Variants in CAPS2 observed in about 807,000 individuals in gnomAD.
The protein encoded by CAPS2 is calcyphosine 2.
A neutral mutation model predicts 86.5 loss-of-function variants in CAPS2; 98 were observed. That is an observed-to-expected ratio of 1.13 (90% CI 0.96 to 1.34). The LOEUF (loss-of-function observed/expected upper bound fraction) is 1.34. CAPS2 is among the 40% of genes most tolerant of loss of function. The pLI, the probability that CAPS2 is intolerant of heterozygous loss-of-function variation, is 0.00. For synonymous variants in CAPS2, 210 were observed against 225.1 expected, an observed-to-expected ratio of 0.93 and a Z score of 0.60; for missense variants, 729 against 686.8, an observed-to-expected ratio of 1.06 and a Z score of -0.69.
At chr12:75,346,445 C>G (rs542041982) in intron 1 of CAPS2, among the ~76,000 whole-genome samples, 1 of 151,658 alleles carries the variant, frequency 6.6e-6, no homozygotes, top group African/African-American at 2.4e-5. Context: ...GACTGGAGTA[C>G]AGTGGCGTGA....
intron 1 of CAPS2, among the ~76,000 whole-genome samples, chr12:75,361,254 C>A (rs1219392511): frequency 2.0e-5 from 3 of 151,998 alleles, no homozygotes; most frequent in African/African-American, 7.3e-5. Context: ...AAGCTGGCCA[C>A]AACAGTGTAG....
At chr12:75,327,691 A>G (rs1215602977), upstream of CAPS2, among the ~76,000 whole-genome samples, 1 of 151,650 alleles carries the variant, frequency 6.6e-6, no homozygotes, top group Non-Finnish European at 1.5e-5. Flanking sequence ...CTTAATCTCT[A>G]TGAACCAATG....
In CAPS2 at chr12:75,312,873, G is replaced by A; in HGVS notation, c.634C>T (p.Gln212Ter). The A allele has an allele frequency of 6.2e-7, 1 of 1,604,488 alleles. No homozygotes were observed. The highest frequency in any genetic ancestry group is 8.5e-7 in the Non-Finnish European group (1 of 1,172,170). Residue 212 changes from glutamine to a stop codon, truncating the protein, a stop_gained, in exon 7 of 17, where the codon CAA becomes TAA. Transcript: ENST00000393284. LOFTEE classifies it high-confidence loss of function. Reference sequence around the variant, plus strand: ...CTAGATAAGTGGTCTATCATCACTTGCTCTGCAACAATCTGTTTCTTCTTC... The same window carrying A: ...CTAGATAAGTGGTCTATCATCACTTACTCTGCAACAATCTGTTTCTTCTTC...
At chr12:75,280,240 C>T (rs1793443197) in intron 16 of CAPS2, among the ~76,000 whole-genome samples, 1 of 151,758 alleles carries the variant, frequency 6.6e-6, no homozygotes, top group South Asian at 2.1e-4. Context: ...AAGAGCTTTA[C>T]CTTAAAATCA....
chr12:75,304,695 C>CATTTTAAAAGT, intron 8 of CAPS2, 62 bp downstream of exon 8: 5 of 1,242,682 alleles, frequency 4.0e-6, no homozygotes, highest in Non-Finnish European at 5.5e-6. Context: ...CACAGAAGTA[C>CATTTTAAAAGT]ATTTTAAAAA....
chr12:75,323,633 C>T (rs1351522613), intron 2 of CAPS2, among the ~76,000 whole-genome samples: 1 of 152,136 alleles, frequency 6.6e-6, no homozygotes, highest in Non-Finnish European at 1.5e-5. Flanking sequence ...ATCCCAGCTA[C>T]TGGGGAGGCT....
chr12:75,355,094 C>T (rs2043064281), intron 1 of CAPS2, among the ~76,000 whole-genome samples: 1 of 152,170 alleles, frequency 6.6e-6, no homozygotes, highest in African/African-American at 2.4e-5. Context: ...ACAAAAACAT[C>T]AAAAGCAATT....
chr12:75,380,493 C>G (rs1400212491), intron 1 of CAPS2, among the ~76,000 whole-genome samples: 2 of 152,088 alleles, frequency 1.3e-5, no homozygotes, highest in East Asian at 3.9e-4. Flanking sequence ...GCTAGGGAAA[C>G]TACATTGATT....
Position 75,289,272 on chromosome 12 carries a change from A to T in CAPS2, c.1395+349T>A, listed in dbSNP as rs143157334. On this transcript the variant is annotated intron_variant, in intron 14 of 16. Coordinates refer to ENST00000393284, the Ensembl canonical transcript of CAPS2. ...TCCATGATCTTTGTTCTCCTTCCCC[A>T]CAACCTGTCTTGGAATCAGGTACCT... Among the ~76,000 whole-genome samples, 119 of 152,204 alleles carry T rather than the reference A, an allele frequency of 7.8e-4. 3 individuals are homozygous for T. The East Asian group carries it at 0.02, about 25-fold the overall frequency.
upstream of CAPS2, among the ~76,000 whole-genome samples, chr12:75,326,786 G>A (rs2040827020): frequency 6.6e-6 from 1 of 152,190 alleles, no homozygotes; most frequent in South Asian, 2.1e-4. Flanking sequence ...GACTTCAGAT[G>A]TGTTTGAATT....
intron 1 of CAPS2, among the ~76,000 whole-genome samples, chr12:75,348,985 C>G (rs937934513): frequency 1.3e-5 from 2 of 152,140 alleles, no homozygotes; most frequent in Non-Finnish European, 2.9e-5. Flanking sequence ...GGCTGGCTCC[C>G]TGGGTTGAAG....
At chr12:75,333,156 CTCTT>C (rs1267409164), upstream of CAPS2, among the ~76,000 whole-genome samples, 2 of 152,134 alleles carry the variant, frequency 1.3e-5, no homozygotes, top group African/African-American at 2.4e-5. Context: ...CTTAAAAGTT[CTCTT>C]TCTCTTTGTA....
intron 1 of CAPS2, among the ~76,000 whole-genome samples, chr12:75,354,410 GA>G (rs771880329): frequency 2.0e-5 from 3 of 151,656 alleles, no homozygotes; most frequent in Non-Finnish European, 4.4e-5. Flanking sequence ...AGATACCTAG[GA>G]ATACAGCTAA....
chr12:75,303,201 A>T (rs1199065426), intron 8 of CAPS2, among the ~76,000 whole-genome samples: 1 of 152,218 alleles, frequency 6.6e-6, no homozygotes, highest in South Asian at 2.1e-4. Flanking sequence ...TACAAATAAC[A>T]CCATGGATAA....
chr12:75,318,572 C>T (rs988466589), intron 5 of CAPS2, among the ~76,000 whole-genome samples: 1 of 152,090 alleles, frequency 6.6e-6, no homozygotes, highest in African/African-American at 2.4e-5. Flanking sequence ...CTTCATGACA[C>T]AGAGTTTCTC....
exon 17 of CAPS2, chr12:75,279,035 G>C: frequency 6.2e-7 from 1 of 1,601,080 alleles, no homozygotes; most frequent in Non-Finnish European, 8.5e-7. Context: ...TTCTAGAAAG[G>C]ATGATTTGAT....
rs1027716489 is a variant in CAPS2, at chr12:75,363,243, A to G, written c.-395+27595T>C. 7 of 832,336 alleles carry G rather than the reference A, an allele frequency of 8.4e-6. No homozygotes were observed. The African/African-American group carries it at 1.1e-4, about 13-fold the overall frequency. 51.6% of individuals were successfully genotyped at this position (832,336 alleles called of 1,614,324 possible). A position where few individuals can be genotyped will look rare whatever the true frequency, so the allele number is the denominator to read the frequency against. On this transcript the variant is annotated intron_variant, in intron 1 of 5. Coordinates refer to the CAPS2 transcript ENST00000551829. ...CATTTAGAGAGTAAAGTTTCCATAT[A>G]TTTATTAAATTTTAAAATTTGGCTT... is the stretch of plus-strand genomic sequence containing the variant.
chr12:75,331,856 C>T (rs12368429), upstream of CAPS2, among the ~76,000 whole-genome samples: 47,360 of 152,044 alleles, frequency 0.31, 8,202 homozygotes, highest in East Asian at 0.45. Flanking sequence ...AGCCACCGCG[C>T]CCGGCCTAAA....
chr12:75,374,433 G>A (rs548462559), intron 1 of CAPS2, among the ~76,000 whole-genome samples: 1 of 152,256 alleles, frequency 6.6e-6, no homozygotes, highest in Admixed American at 6.5e-5. Context: ...ACCTTAGAAG[G>A]AATATCTCCA....
Sources: gnomAD v4.1 joint callset for allele counts (sites outside exome capture counted in the v4.1 genomes callset) on GRCh38, gnomAD v4.1.1 for gene constraint, MANE v1.5 for transcripts, NCBI Gene and HGNC (gene_info 2026-07-23, HGNC 2026-07-21) for gene names.